MAPK11: variants seen among roughly 807,000 people sequenced by gnomAD.
The protein encoded by MAPK11 is MAP kinase 11.
Under a neutral mutation model 52.2 loss-of-function variants are expected in MAPK11, and 44 were observed. That is an observed-to-expected ratio of 0.84 (90% CI 0.66 to 1.08). The LOEUF (loss-of-function observed/expected upper bound fraction) is 1.08, where lower values mean the gene tolerates loss of function less well. Ranked by LOEUF, MAPK11 falls within the 50% of genes least tolerant of loss-of-function variation. MAPK11 has a pLI of 0.00. For missense variants in MAPK11, 436 were observed against 494.7 expected, an observed-to-expected ratio of 0.88 and a Z score of 1.13; for synonymous variants, 233 against 206.3, an observed-to-expected ratio of 1.13 and a Z score of -1.11.
At position 50,270,199 on chromosome 22, in the gene MAPK11, A is replaced by G; in HGVS notation, c.94T>C (p.Ser32Pro). ...TACCAGACGGAGCCGTAGGCGCCGGAGCCCACCGGGCGCAGCCCCTGCAGC... is the reference window on the plus strand; with the variant it reads ...TACCAGACGGAGCCGTAGGCGCCGGGGCCCACCGGGCGCAGCCCCTGCAGC... ...QRLQGLRPVG[S>P]GAYGSVCSAY... Residue 32 changes from serine (S) to proline (P), a missense_variant, in exon 1 of 12, where the codon TCC becomes CCC. Transcript: ENST00000330651. This position sits in a 1 kb window ranked among gnomAD's most constrained non-coding sequence, Gnocchi z 6.3. 6.7e-7 allele frequency: 1 copy of G among 1,490,690 alleles called. No homozygotes were observed. 92.3% of individuals were successfully genotyped at this position (1,490,690 alleles called of 1,614,324 possible).
At chr22:50,265,154 C>G in intron 11 of MAPK11, 127 bp from the exon 12 acceptor site, 2 of 1,223,972 alleles carry the variant, frequency 1.6e-6, no homozygotes, top group Non-Finnish European at 2.3e-6. Context: ...AGTCTGGGAG[C>G]CAGAACCTGC....
chr22:50,267,932 C>T lies in MAPK11; in HGVS notation c.134G>A (p.Arg45Gln), dbSNP rs766480324. Residue 45 changes from arginine (R) to glutamine (Q), a missense_variant, in exon 2 of 12, where the codon CGG becomes CAG. By Grantham distance (43) the Arg-to-Gln change is conservative. Coordinates refer to ENST00000330651, the MANE Select transcript of MAPK11 (RefSeq NM_002751.7). ...YGSVCSAYDARLRQKVAVKKL... is the reference protein window; with the variant it reads ...YGSVCSAYDAQLRQKVAVKKL... ...CTTCACCGCCACCTTCTGGCGCAGCCGGGCGTCGTAGGCCGAACTGGAAGG... is the reference window on the plus strand; with the variant it reads ...CTTCACCGCCACCTTCTGGCGCAGCTGGGCGTCGTAGGCCGAACTGGAAGG... 1.9e-6 allele frequency: 3 copies of T among 1,576,316 alleles called. No homozygotes were observed. The highest frequency in any genetic ancestry group is 1.8e-5 in the Admixed American group (1 of 56,528).
chr22:50,269,592 C>T (rs2065291899), intron 1 of MAPK11, among the ~76,000 whole-genome samples: 1 of 152,250 alleles, frequency 6.6e-6, no homozygotes, highest in Non-Finnish European at 1.5e-5. Context: ...GCCCAGTTGA[C>T]CCCCCTCCCC....
At chr22:50,269,692 G>A (rs1340489439) in intron 1 of MAPK11, among the ~76,000 whole-genome samples, 2 of 152,216 alleles carry the variant, frequency 1.3e-5, no homozygotes, top group Non-Finnish European at 2.9e-5. Context: ...GGGAGTCTGA[G>A]GCCATCCCAG....
Position 50,266,594 on chromosome 22 carries a change from C to T in MAPK11, c.628G>A (p.Gly210Ser), listed in dbSNP as rs755209490. ...YNQTVDIWSV[G>S]CIMAELLQGK... is the part of the protein sequence containing the mutation. Reference sequence around the variant, plus strand: ...TGGAGCAGCTCAGCCATGATGCAGCCCACGGACCAGATATCCACTGTGCGA... The same window carrying T: ...TGGAGCAGCTCAGCCATGATGCAGCTCACGGACCAGATATCCACTGTGCGA... The change falls in exon 8 of 12, where the codon GGC (glycine) becomes AGC (serine). Residue 210 changes from glycine (G) to serine (S), a missense_variant. Transcript: ENST00000330651. 2.0e-6 allele frequency: 3 copies of T among 1,530,668 alleles called. No individual in the cohort carries two copies. The South Asian group carries it at 3.8e-5, about 20-fold the overall frequency. 94.8% of individuals were successfully genotyped at this position (1,530,668 alleles called of 1,614,324 possible).
chr22:50,264,875 G>A lies in MAPK11; in HGVS notation c.*73C>T, dbSNP rs2065249584. ...AGGAGTGTGGGAGGTGCCTCTCGAG[G>A]AAACCAGGCCAGCTGTGGAAGGGTG... On this transcript the variant is annotated 3_prime_UTR_variant, in exon 12 of 12. Transcript: ENST00000330651. 1.5e-6 allele frequency: 2 copies of A among 1,291,742 alleles called. No homozygotes were observed. The highest frequency in any genetic ancestry group is 2.0e-4 in the Middle Eastern group (1 of 5,040). The allele number at this position is 1,291,742 out of a possible 1,614,324, so 80.0% of individuals were successfully genotyped here. A position where few individuals can be genotyped will look rare whatever the true frequency, so the allele number is the denominator to read the frequency against.
chr22:50,265,998 A>G (rs1244616955), intron 9 of MAPK11, among the ~76,000 whole-genome samples: 1 of 145,358 alleles, frequency 6.9e-6, no homozygotes, highest in Non-Finnish European at 1.5e-5. Context: ...TGCCCTGGCC[A>G]GGCACTGCTT....
At chr22:50,265,143 C>CAG (rs10626765) in intron 11 of MAPK11, 116 bp from the exon 12 acceptor site, 894,743 of 1,195,290 alleles carry the variant, frequency 0.75, 337,570 homozygotes, top group Non-Finnish European at 0.76. Context: ...AGCCTCAGCA[C>CAG]AGTCTGGGAG....
In MAPK11 at chr22:50,267,276, G is replaced by A; in HGVS notation, c.428C>T (p.Ser143Leu). ...ACCTACCCGGTGGATGATCCCGGCC[G>A]AGTGGATGTACTGCGGGAGGGGGAT... ...QLLRGLKYIH[S>L]AGIIHRDLKP... is the part of the protein sequence containing the mutation. Residue 143 changes from serine to leucine, a missense_variant, in exon 5 of 12, where the codon TCG becomes TTG. By Grantham distance (145) the Ser-to-Leu change is moderately radical. Transcript: ENST00000330651. The A allele has an allele frequency of 6.2e-7, 1 of 1,603,318 alleles. No individual in the cohort carries two copies.
At chr22:50,266,456 A>T in intron 8 of MAPK11, 84 bp downstream of exon 8, 1 of 1,418,236 alleles carries the variant, frequency 7.1e-7, no homozygotes. Flanking sequence ...AGGAGGCAAG[A>T]CCCGCCAGAA....
chr22:50,269,152 C>T (rs568928388), intron 1 of MAPK11, among the ~76,000 whole-genome samples: 1 of 152,300 alleles, frequency 6.6e-6, no homozygotes, highest in Non-Finnish European at 1.5e-5. Context: ...CCGTCCCAGA[C>T]CCTCTTCCTG....
rs923876072 is a variant in MAPK11 at position 50,270,198 on chromosome 22, G to C, written c.95C>G (p.Ser32Cys). The C allele has an allele frequency of 2.0e-6, 3 of 1,491,516 alleles. No homozygotes were observed. The South Asian group carries it at 3.8e-5, about 19-fold the overall frequency. 92.4% of individuals were successfully genotyped at this position (1,491,516 alleles called of 1,614,324 possible). Residue 32 changes from serine to cysteine, a missense_variant, in exon 1 of 12, where the codon TCC becomes TGC. Coordinates refer to ENST00000330651, the MANE Select transcript of MAPK11 (RefSeq NM_002751.7). The surrounding 1 kb of genome is among the most constrained non-coding windows in gnomAD (Gnocchi z 6.3). Reference sequence around the variant, plus strand: ...CTACCAGACGGAGCCGTAGGCGCCGGAGCCCACCGGGCGCAGCCCCTGCAG... The same window carrying C: ...CTACCAGACGGAGCCGTAGGCGCCGCAGCCCACCGGGCGCAGCCCCTGCAG... ...QRLQGLRPVG[S>C]GAYGSVCSAY...
rs930229772 is a variant in MAPK11 at position 50,264,307 on chromosome 22, C to T, written c.*641G>A. 6.6e-6 allele frequency: 1 copy of T among 152,458 alleles called. No individual in the cohort carries two copies. The highest frequency in any genetic ancestry group is 1.5e-5 in the Non-Finnish European group (1 of 68,228). The allele number at this position is 152,458 out of a possible 1,614,324, so 9.4% of individuals were successfully genotyped here. ...CATCACATGTGCCCTGACATATGAA[C>T]ACGGGGAGTGCACGCTCATCCACAC... is the stretch of plus-strand genomic sequence containing the variant. On this transcript the variant is annotated 3_prime_UTR_variant, in exon 12 of 12. Transcript: ENST00000330651.
At chr22:50,266,091 C>A in intron 9 of MAPK11, 135 bp downstream of exon 9, 1 of 700,586 alleles carries the variant, frequency 1.4e-6, no homozygotes, top group South Asian at 1.9e-5. Context: ...AGGGATTGGG[C>A]ACCTGCCCTA....
intron 1 of MAPK11, among the ~76,000 whole-genome samples, chr22:50,269,792 G>C (rs2065293666): frequency 6.6e-6 from 1 of 152,128 alleles, no homozygotes; most frequent in South Asian, 2.1e-4. Flanking sequence ...GCTAGACCCC[G>C]GGGGGCTGCC....
chr22:50,268,335 C>T (rs2065282843), intron 1 of MAPK11, among the ~76,000 whole-genome samples: 2 of 152,208 alleles, frequency 1.3e-5, no homozygotes, highest in South Asian at 4.1e-4. Flanking sequence ...GACGGGCCTC[C>T]CTCTGCCCCA....
Position 50,263,792 on chromosome 22 carries a change from G to C in MAPK11, c.*1156C>G, listed in dbSNP as rs199728369. On this transcript the variant is annotated 3_prime_UTR_variant, in exon 12 of 12. Coordinates refer to ENST00000330651, the MANE Select transcript of MAPK11 (RefSeq NM_002751.7). ...CTTCCCTGGGCCCCTCGAGGCAAGA[G>C]GTCACCCCCTTTCCAGGGCAGAGCC... The C allele has an allele frequency of 6.6e-6, 1 of 152,514 alleles. No homozygotes were observed. Among genetic ancestry groups the C allele is most frequent in the South Asian group, 2.1e-4 (1 of 4,830 alleles). The allele number at this position is 152,514 out of a possible 1,614,324, so 9.4% of individuals were successfully genotyped here.
intron 4 of MAPK11, 40 bp from the exon 5 acceptor site, chr22:50,267,326 G>T (rs368461406): frequency 8.4e-6 from 7 of 831,726 alleles, no homozygotes; most frequent in Non-Finnish European, 9.2e-6. Flanking sequence ...GGCCCGGCCC[G>T]CCCGCCCCCC....
In MAPK11 at chr22:50,267,304, T is replaced by C. The variant is rs1208615701; in HGVS notation, c.418-18A>G. 7.5e-6 allele frequency: 12 copies of C among 1,595,674 alleles called. No individual in the cohort carries two copies. The highest frequency in any genetic ancestry group is 1.0e-5 in the Non-Finnish European group (12 of 1,172,738). The stretch of plus-strand genomic sequence containing the variant: ...TGGATGTACTGCGGGAGGGGGATTG[T>C]GGTGAGCGCCGGGCCCGGCCCGCCC... On this transcript the variant is annotated intron_variant, in intron 4 of 11. Coordinates refer to ENST00000330651, the MANE Select transcript of MAPK11 (RefSeq NM_002751.7).
Sources: gnomAD v4.1 joint callset for allele counts (sites outside exome capture counted in the v4.1 genomes callset) on GRCh38, gnomAD v4.1.1 for gene constraint, Gnocchi (gnomAD v3.1) non-coding constraint, MANE v1.5 for transcripts, NCBI Gene and HGNC (gene_info 2026-07-23, HGNC 2026-07-21) for gene names.